The following ARHGAP22 variants were observed in gnomAD, a reference collection of about 807,000 sequenced individuals.
ARHGAP22 encodes Rho GTPase activating protein 22.
A neutral mutation model predicts 59.1 loss-of-function variants in ARHGAP22; 48 were observed. The observed-to-expected ratio is 0.81, with a 90% CI of 0.64 to 1.03. ARHGAP22 has a LOEUF of 1.03. Among genes scored for constraint, ARHGAP22 ranks in the 50% least tolerant of loss-of-function variants. The pLI, the probability that ARHGAP22 is intolerant of heterozygous loss-of-function variation, is 0.00. For missense variants in ARHGAP22, 1,015 were observed against 958.7 expected, an observed-to-expected ratio of 1.06 and a Z score of -0.78; for synonymous variants, 445 against 416.4, an observed-to-expected ratio of 1.07 and a Z score of -0.84.
At chr10:48,438,480 A>G in the ARHGAP22 span, 3 of 152,262 alleles carry the variant, frequency 2.0e-5, no homozygotes, top group African/African-American at 7.2e-5. Flanking sequence ...GCTCTTAAGG[A>G]GAGTCTAGTA....
At chr10:48,570,644 A>G (rs868139501) in intron 2 of ARHGAP22, among the ~76,000 whole-genome samples, 11 of 152,322 alleles carry the variant, frequency 7.2e-5, no homozygotes, top group African/African-American at 2.2e-4. Flanking sequence ...TTTTGTGGAC[A>G]GAGACTTGCA....
At chr10:48,432,569 T>C in the ARHGAP22 span, among the ~76,000 whole-genome samples, 1 of 152,056 alleles carries the variant, frequency 6.6e-6, no homozygotes, top group African/African-American at 2.4e-5. Context: ...TATTGCTATA[T>C]AGTAGTAGTA....
intron 2 of ARHGAP22, among the ~76,000 whole-genome samples, chr10:48,582,518 C>T (rs1412800474): frequency 6.6e-6 from 1 of 152,182 alleles, no homozygotes; most frequent in Admixed American, 6.5e-5. Flanking sequence ...CAGTGCTGGA[C>T]ACAGAAACCC....
intron 3 of ARHGAP22, among the ~76,000 whole-genome samples, chr10:48,525,377 T>C (rs1015158204): frequency 5.9e-5 from 9 of 152,176 alleles, no homozygotes; most frequent in African/African-American, 2.2e-4. Flanking sequence ...GTTTGAGACC[T>C]GCCTGGGCAA....
intron 4 of ARHGAP22, 192 bp downstream of exon 4, chr10:48,479,444 G>T: frequency 1.1e-6 from 1 of 949,098 alleles, no homozygotes; most frequent in Non-Finnish European, 1.5e-6. Context: ...AATAAAGGAG[G>T]AAGTGAGTAC....
chr10:48,552,945 T>G (rs1221033082), intron 3 of ARHGAP22, among the ~76,000 whole-genome samples: 1 of 152,206 alleles, frequency 6.6e-6, no homozygotes, highest in Non-Finnish European at 1.5e-5. Flanking sequence ...TGCCAGCTGT[T>G]TGGCCTCAGG....
At chr10:48,521,468 T>A (rs1185823271) in intron 3 of ARHGAP22, among the ~76,000 whole-genome samples, 1 of 152,250 alleles carries the variant, frequency 6.6e-6, no homozygotes, top group Non-Finnish European at 1.5e-5. Flanking sequence ...ATCAAGTAGA[T>A]TTTTACACAG....
chr10:48,516,340 C>T (rs2053284690), intron 3 of ARHGAP22, among the ~76,000 whole-genome samples: 1 of 152,034 alleles, frequency 6.6e-6, no homozygotes, highest in Non-Finnish European at 1.5e-5. Context: ...GCTTGGGCAA[C>T]ACAATGAGAC....
intron 2 of ARHGAP22, among the ~76,000 whole-genome samples, chr10:48,566,269 C>A (rs985387038): frequency 1.3e-5 from 2 of 152,096 alleles, no homozygotes; most frequent in African/African-American, 4.8e-5. Flanking sequence ...CTGATTGGGG[C>A]CTCAGATCAA....
chr10:48,578,687 GT>G (rs5784765), intron 2 of ARHGAP22, among the ~76,000 whole-genome samples: 6 of 149,394 alleles, frequency 4.0e-5, no homozygotes, highest in African/African-American at 7.4e-5. Context: ...TTTTGAAAAA[GT>G]TTTTTTTTTT....
intron 3 of ARHGAP22, among the ~76,000 whole-genome samples, chr10:48,544,739 T>C (rs1025992834): frequency 6.6e-6 from 1 of 152,230 alleles, no homozygotes; most frequent in Non-Finnish European, 1.5e-5. Flanking sequence ...TAATTTCAAA[T>C]AGGAGGACAG....
At chr10:48,573,533 G>A (rs1156525915) in intron 2 of ARHGAP22, among the ~76,000 whole-genome samples, 2 of 152,204 alleles carry the variant, frequency 1.3e-5, no homozygotes, top group Non-Finnish European at 2.9e-5. Flanking sequence ...CATCTGAAGG[G>A]CTGGTCTCAG....
At chr10:48,524,522 G>C (rs886229581) in intron 3 of ARHGAP22, among the ~76,000 whole-genome samples, 21 of 152,046 alleles carry the variant, frequency 1.4e-4, no homozygotes, top group Admixed American at 1.4e-3. Flanking sequence ...AAGCAGGGGT[G>C]GGGGGCCACA....
At chr10:48,544,153 CAG>C (rs1345312822) in intron 3 of ARHGAP22, among the ~76,000 whole-genome samples, 1 of 151,980 alleles carries the variant, frequency 6.6e-6, no homozygotes, top group East Asian at 1.9e-4. Context: ...TGGGTGGGGT[CAG>C]GGGAGAAACT....
chr10:48,453,163 C>G, intron 8 of ARHGAP22, 141 bp downstream of exon 8: 1 of 1,195,138 alleles, frequency 8.4e-7, no homozygotes. Flanking sequence ...TGCCAAGTCC[C>G]CAGAGATGGA....
intron 3 of ARHGAP22, among the ~76,000 whole-genome samples, chr10:48,505,205 C>T (rs1223197618): frequency 6.6e-6 from 1 of 152,200 alleles, no homozygotes; most frequent in Non-Finnish European, 1.5e-5. Context: ...AGGTGGCTGT[C>T]ACCACGCCCA....
intron 3 of ARHGAP22, among the ~76,000 whole-genome samples, chr10:48,506,080 A>C (rs1040054830): frequency 6.6e-6 from 1 of 152,236 alleles, no homozygotes; most frequent in East Asian, 1.9e-4. Context: ...AAGGTCAGGC[A>C]GCAGTGGGCC....
At chr10:48,442,124 ATAT>A (rs1184770877), downstream of ARHGAP22, among the ~76,000 whole-genome samples, 1 of 152,178 alleles carries the variant, frequency 6.6e-6, no homozygotes, top group Non-Finnish European at 1.5e-5. Flanking sequence ...CAGCGCTGTG[ATAT>A]TATAGTGATG....
intron 1 of ARHGAP22, among the ~76,000 whole-genome samples, chr10:48,634,679 C>T (rs1016871478): frequency 3.9e-5 from 6 of 152,132 alleles, no homozygotes; most frequent in African/African-American, 1.4e-4. Flanking sequence ...TCAGGGCTGA[C>T]AGCTCTGAGC....
Sources: allele counts gnomAD v4.1 joint callset (sites outside exome capture counted in the v4.1 genomes callset), GRCh38; gene constraint gnomAD v4.1.1; transcripts MANE v1.5; gene names NCBI Gene and HGNC (gene_info 2026-07-23, HGNC 2026-07-21).